The following COL9A2 variants were observed in gnomAD, a reference collection of about 807,000 sequenced individuals.
COL9A2 encodes the protein collagen type IX alpha 2 chain.
COL9A2 carries 66 observed loss-of-function variants against 111.6 expected under a neutral mutation model. The ratio of observed to expected loss-of-function variants is 0.59; its 90% confidence interval spans 0.48 to 0.73. The LOEUF (loss-of-function observed/expected upper bound fraction) is 0.73. COL9A2 is among the 30% of genes least tolerant of loss of function. The pLI is 0.00. For missense variants in COL9A2, 881 were observed against 954.1 expected, an observed-to-expected ratio of 0.92 and a Z score of 1.01; for synonymous variants, 353 against 364.1, an observed-to-expected ratio of 0.97 and a Z score of 0.35.
rs1644175170 is a variant in COL9A2 at position 40,314,012 on chromosome 1, GC to G, written c.249+192del. On this transcript the variant is annotated intron_variant, in intron 4 of 31. Transcript: ENST00000372748. The surrounding 1 kb of genome is among the most constrained non-coding windows in gnomAD (Gnocchi z 4.1). Reference sequence around the variant, plus strand: ...CCCTCTCTCTGGACCCCGGTTGCCTGCAAATCAATGACCCTGGGTGAGAGTG... The same window carrying G: ...CCCTCTCTCTGGACCCCGGTTGCCTGAAATCAATGACCCTGGGTGAGAGTG... Among the ~76,000 whole-genome samples, 1 of 152,188 alleles carries G rather than the reference GC, an allele frequency of 6.6e-6. No individual in the cohort carries two copies. The highest frequency in any genetic ancestry group is 1.5e-5 in the Non-Finnish European group (1 of 68,034).
rs34036643 is a variant in COL9A2, at chr1:40,312,212, CTTT to C, written c.364-103_364-101del. Reference sequence around the variant, plus strand: ...CCCAAAGCCCGTTTCTCCACTTTTACTTTTTTTTTTTTTTTGCCAACCCCAGAG... The same window carrying C: ...CCCAAAGCCCGTTTCTCCACTTTTACTTTTTTTTTTTTGCCAACCCCAGAG... On this transcript the variant is annotated intron_variant, in intron 7 of 31. Coordinates refer to ENST00000372748, the MANE Select transcript of COL9A2 (RefSeq NM_001852.4). This position sits in a 1 kb window ranked among gnomAD's most constrained non-coding sequence, Gnocchi z 6.0. 1,304 of 920,958 alleles carry C rather than the reference CTTT, an allele frequency of 1.4e-3. No individual in the cohort carries two copies. Among genetic ancestry groups the C allele is most frequent in the Middle Eastern group, 3.3e-3 (13 of 3,998 alleles). The allele number at this position is 920,958 out of a possible 1,614,324, so 57.0% of individuals were successfully genotyped here.
At position 40,316,115 on chromosome 1, in the gene COL9A2, G is replaced by T. The variant is rs1644214548; in HGVS notation, c.76-451C>A. ...GCCGGCCCTCAGTGAGCGGTGGCTC[G>T]GGTTGTTGTTCTTACGTGAACGACA... On this transcript the variant is annotated intron_variant, in intron 1 of 31. Transcript: ENST00000372748. This position sits in a 1 kb window ranked among gnomAD's most constrained non-coding sequence, Gnocchi z 5.5. 6.1e-6 allele frequency: 1 copy of T among 163,080 alleles called. No individual in the cohort carries two copies. Among genetic ancestry groups the T allele is most frequent in the Non-Finnish European group, 1.3e-5 (1 of 74,414 alleles). The allele number at this position is 163,080 out of a possible 1,614,324, so 10.1% of individuals were successfully genotyped here.
rs747275231 is a variant in COL9A2, at chr1:40,307,748, T to G, written c.909A>C (p.Pro303=). 4.3e-6 allele frequency: 7 copies of G among 1,614,084 alleles called. No homozygotes were observed. The highest frequency in any genetic ancestry group is 5.9e-6 in the Non-Finnish European group (7 of 1,179,990). The change falls in exon 18 of 32, where the codon CCA becomes CCC. Residue 303 remains proline, a synonymous_variant. Coordinates refer to ENST00000372748, the MANE Select transcript of COL9A2 (RefSeq NM_001852.4). The surrounding 1 kb of genome is among the most constrained non-coding windows in gnomAD (Gnocchi z 4.8). ...ITGPKGATGP[P]GINGKDGTPG... ...GGGTCCCATCCTTGCCGTTGATGCCTGGGGGGCCCTACCCAGGAGGAAAGT... is the reference window on the plus strand; with the variant it reads ...GGGTCCCATCCTTGCCGTTGATGCCGGGGGGGCCCTACCCAGGAGGAAAGT...
Position 40,312,387 on chromosome 1 carries a change from C to G in COL9A2, c.363+69G>C, listed in dbSNP as rs372723679. ...CTCCTTCCCATGGTGGCCATTCCCT[C>G]GAAGCCTTTCTGTTGTCCCCTCCTT... On this transcript the variant is annotated intron_variant, in intron 7 of 31. Coordinates refer to ENST00000372748, the MANE Select transcript of COL9A2 (RefSeq NM_001852.4). This position sits in a 1 kb window ranked among gnomAD's most constrained non-coding sequence, Gnocchi z 6.0. 1 of 1,580,970 alleles carries G rather than the reference C, an allele frequency of 6.3e-7. No homozygotes were observed. Among genetic ancestry groups the G allele is most frequent in the African/African-American group, 1.4e-5 (1 of 73,778 alleles).
chr1:40,305,818 T>A (rs1391826458), intron 20 of COL9A2, 50 bp from the exon 21 acceptor site: 1 of 1,558,958 alleles, frequency 6.4e-7, no homozygotes, highest in African/African-American at 1.4e-5. Flanking sequence ...GTCAGGCCCT[T>A]GGCCTCAGGG....
At position 40,317,073 on chromosome 1, in the gene COL9A2, T is replaced by C; in HGVS notation, c.75+50A>G. 1 of 1,528,978 alleles carries C rather than the reference T, an allele frequency of 6.5e-7. No homozygotes were observed. 94.7% of individuals were successfully genotyped at this position (1,528,978 alleles called of 1,614,324 possible). On this transcript the variant is annotated intron_variant, in intron 1 of 31. Coordinates refer to ENST00000372748, the MANE Select transcript of COL9A2 (RefSeq NM_001852.4). This position sits in a 1 kb window ranked among gnomAD's most constrained non-coding sequence, Gnocchi z 4.3. ...CAGGCAGAGCTCCTCCATCCCGGAC[T>C]CCAGACCCCGCACCCTGGACCCTGG...
At position 40,303,262 on chromosome 1, in the gene COL9A2, A is replaced by T; in HGVS notation, c.1549-77T>A. On this transcript the variant is annotated intron_variant, in intron 28 of 31. Coordinates refer to ENST00000372748, the MANE Select transcript of COL9A2 (RefSeq NM_001852.4). This position sits in a 1 kb window ranked among gnomAD's most constrained non-coding sequence, Gnocchi z 4.6. ...CTCCTATCCCACCTGGCTGAGCGTG[A>T]GGCCGCCATGGAGGAGACTCTGGTG... is the stretch of plus-strand genomic sequence containing the variant. 1.4e-6 allele frequency: 2 copies of T among 1,434,520 alleles called. No individual in the cohort carries two copies. The highest frequency in any genetic ancestry group is 3.8e-5 in the Admixed American group (2 of 52,254). 88.9% of individuals were successfully genotyped at this position (1,434,520 alleles called of 1,614,324 possible). A position where few individuals can be genotyped will look rare whatever the true frequency, so the allele number is the denominator to read the frequency against.
intron 4 of COL9A2, among the ~76,000 whole-genome samples, chr1:40,313,163 TTTTC>T (rs1173224228): frequency 4.7e-5 from 7 of 149,490 alleles, no homozygotes; most frequent in Admixed American, 6.8e-5. Context: ...TCTCTTTTCT[TTTTC>T]TTTCTTTTTT....
chr1:40,306,688 CAG>C (rs1644035272), intron 19 of COL9A2, among the ~76,000 whole-genome samples: 1 of 152,064 alleles, frequency 6.6e-6, no homozygotes, highest in African/African-American at 2.4e-5. Context: ...AGGGAAAGGA[CAG>C]AGAGGGGCCA....
chr1:40,314,500 G>T lies in COL9A2; in HGVS notation c.151-113C>A. ...GGCTCTCCTCACTCTCCTCTCTTCTGTCCAGGTCCCCTAAGCCTTGCAATC... is the reference window on the plus strand; with the variant it reads ...GGCTCTCCTCACTCTCCTCTCTTCTTTCCAGGTCCCCTAAGCCTTGCAATC... On this transcript the variant is annotated intron_variant, in intron 2 of 31. Coordinates refer to ENST00000372748, the MANE Select transcript of COL9A2 (RefSeq NM_001852.4). The surrounding 1 kb of genome is among the most constrained non-coding windows in gnomAD (Gnocchi z 4.1). 7.8e-7 allele frequency: 1 copy of T among 1,281,756 alleles called. No individual in the cohort carries two copies. The highest frequency in any genetic ancestry group is 1.1e-6 in the Non-Finnish European group (1 of 880,716). 79.4% of individuals were successfully genotyped at this position (1,281,756 alleles called of 1,614,324 possible).
rs1569743403 is a variant in COL9A2, at chr1:40,310,492, G to C, written c.685-175C>G. Among the ~76,000 whole-genome samples, 1 of 152,206 alleles carries C rather than the reference G, an allele frequency of 6.6e-6. No individual in the cohort carries two copies. On this transcript the variant is annotated intron_variant, in intron 13 of 31. Transcript: ENST00000372748. This position sits in a 1 kb window ranked among gnomAD's most constrained non-coding sequence, Gnocchi z 4.9. ...GGAGGGACTCACTGCATTACTCAAA[G>C]GGACAGTGGCAGACCTGGACCTCAG...
At chr1:40,315,395 C>G (rs1385331443) in intron 2 of COL9A2, 195 bp downstream of exon 2, 1 of 1,400,980 alleles carries the variant, frequency 7.1e-7, no homozygotes, top group Non-Finnish European at 9.3e-7. Context: ...CTATAACGGG[C>G]TCCGCATGTC....
In COL9A2 at chr1:40,302,488, G is replaced by A; in HGVS notation, c.1792+133C>T. The A allele has an allele frequency of 1.1e-6, 1 of 946,086 alleles. No individual in the cohort carries two copies. Among genetic ancestry groups the A allele is most frequent in the Non-Finnish European group, 1.6e-6 (1 of 618,690 alleles). The allele number at this position is 946,086 out of a possible 1,614,324, so 58.6% of individuals were successfully genotyped here. The stretch of plus-strand genomic sequence containing the variant: ...TTTGCTACTAGGAAAGAGCCCAGGA[G>A]TGTCTCCTGGACCATGTGGCTGAGG... On this transcript the variant is annotated intron_variant, in intron 30 of 31. Coordinates refer to ENST00000372748, the MANE Select transcript of COL9A2 (RefSeq NM_001852.4). This position sits in a 1 kb window ranked among gnomAD's most constrained non-coding sequence, Gnocchi z 4.5.
chr1:40,312,929 C>A lies in COL9A2; in HGVS notation c.250-145G>T. 2 of 685,834 alleles carry A rather than the reference C, an allele frequency of 2.9e-6. No homozygotes were observed. Among genetic ancestry groups the A allele is most frequent in the Admixed American group, 2.5e-5 (1 of 39,964 alleles). 42.5% of individuals were successfully genotyped at this position (685,834 alleles called of 1,614,324 possible). The stretch of plus-strand genomic sequence containing the variant: ...AAGGCCTAGGAACCTCCACACCTTT[C>A]TTTCCTTTTCCCCAGTTCCCATAGT... On this transcript the variant is annotated intron_variant, in intron 4 of 31. Transcript: ENST00000372748. This position sits in a 1 kb window ranked among gnomAD's most constrained non-coding sequence, Gnocchi z 6.0.
rs1331895637 is a variant in COL9A2, at chr1:40,302,703, C to T, written c.1710G>A (p.Gln570=). The change falls in exon 30 of 32, where the codon CAG becomes CAA. Residue 570 remains glutamine, a synonymous_variant. Coordinates refer to ENST00000372748, the MANE Select transcript of COL9A2 (RefSeq NM_001852.4). This position sits in a 1 kb window ranked among gnomAD's most constrained non-coding sequence, Gnocchi z 4.5. ...GAGGGCCAGGGTGCCCATGGGGGCC[C>T]TGCTTGCCTGGGTACCCAGGGGGCC... The part of the protein sequence containing the change: ...PPGPPGYPGK[Q]GPHGHPGPRG... 6.3e-7 allele frequency: 1 copy of T among 1,587,336 alleles called. No individual in the cohort carries two copies. Among genetic ancestry groups the T allele is most frequent in the Non-Finnish European group, 8.6e-7 (1 of 1,168,236 alleles).
Position 40,305,697 on chromosome 1 carries a change from A to G in COL9A2, c.1107+18T>C, listed in dbSNP as rs369175503. 1.8e-5 allele frequency: 29 copies of G among 1,613,166 alleles called. No individual in the cohort carries two copies. Among genetic ancestry groups the G allele is most frequent in the Non-Finnish European group, 2.4e-5 (28 of 1,179,178 alleles). Reference sequence around the variant, plus strand: ...ACCCTAAAGCAGGAACCCTTGTGTCAGTGCAGGGGGCATTTACCTCTTTCC... The same window carrying G: ...ACCCTAAAGCAGGAACCCTTGTGTCGGTGCAGGGGGCATTTACCTCTTTCC... On this transcript the variant is annotated intron_variant, in intron 21 of 31. Coordinates refer to ENST00000372748, the MANE Select transcript of COL9A2 (RefSeq NM_001852.4).
chr1:40,301,841 G>T lies in COL9A2; in HGVS notation c.1841C>A (p.Pro614His). 1.9e-6 allele frequency: 3 copies of T among 1,614,136 alleles called. No individual in the cohort carries two copies. The highest frequency in any genetic ancestry group is 2.2e-5 in the East Asian group (1 of 44,888). ...GATCCCTGGGGGCCCAGGCATCCCG[G>T]GGTGCCCCCGTCCCACTTCTCCTGG... ...GDPGEVGRGH[P>H]GMPGPPGIPG... Residue 614 changes from proline (P) to histidine (H), a missense_variant, in exon 31 of 32, where the codon CCC becomes CAC. Coordinates refer to ENST00000372748, the MANE Select transcript of COL9A2 (RefSeq NM_001852.4).
chr1:40,310,320 G>A lies in COL9A2; in HGVS notation c.685-3C>T. The A allele has an allele frequency of 1.2e-6, 2 of 1,614,016 alleles. No individual in the cohort carries two copies. Among genetic ancestry groups the A allele is most frequent in the Non-Finnish European group, 1.7e-6 (2 of 1,179,992 alleles). On this transcript the variant is annotated splice_polypyrimidine_tract_variant and splice_region_variant and intron_variant, in intron 13 of 31. Coordinates refer to ENST00000372748, the MANE Select transcript of COL9A2 (RefSeq NM_001852.4). The surrounding 1 kb of genome is among the most constrained non-coding windows in gnomAD (Gnocchi z 4.9). ...TAGCCCCTGATGCCCTGGGGACCCT[G>A]TTGAGAAAGAAAAATGACAGCAATG...
chr1:40,313,205 G>C (rs1208277488), intron 4 of COL9A2, among the ~76,000 whole-genome samples: 3 of 147,506 alleles, frequency 2.0e-5, no homozygotes, highest in Non-Finnish European at 3.0e-5. Context: ...GTCTCACTCT[G>C]TTGCTCAGGC....
Sources: allele counts gnomAD v4.1 joint callset (sites outside exome capture counted in the v4.1 genomes callset), GRCh38; gene constraint gnomAD v4.1.1; non-coding constraint Gnocchi (gnomAD v3.1); transcripts MANE v1.5; gene names NCBI Gene and HGNC (gene_info 2026-07-23, HGNC 2026-07-21).